POLQ: variants seen among roughly 807,000 people sequenced by gnomAD.
POLQ encodes DNA polymerase theta.
A neutral mutation model predicts 259.2 loss-of-function variants in POLQ; 233 were observed. That is an observed-to-expected ratio of 0.90 (90% CI 0.81 to 1.00). The LOEUF (loss-of-function observed/expected upper bound fraction) is 1.00, where lower values mean the gene tolerates loss of function less well. POLQ is among the 50% of genes least tolerant of loss of function. The pLI is 0.00. For synonymous variants in POLQ, 1,025 were observed against 1,048.8 expected (o/e 0.98, Z 0.44); for missense variants, 2,871 against 3,051.6 (o/e 0.94, Z 1.39).
chr3:121,493,480 T>G lies in POLQ; in HGVS notation c.2520A>C (p.Lys840Asn). The change falls in exon 15 of 30, where the codon AAA (lysine) becomes AAC (asparagine). Residue 840 changes from lysine to asparagine, a missense_variant and splice_region_variant. Coordinates refer to ENST00000264233, the MANE Select transcript of POLQ (RefSeq NM_199420.4). ...EVILKNAVPFKSARKAVDEEE... is the reference protein window; with the variant it reads ...EVILKNAVPFNSARKAVDEEE... ...TGTAGGTAAAGGTATTTTCTTACCT[T>G]TTGAAAGGCACAGCATTTTTCAGAA... The G allele has an allele frequency of 3.1e-6, 5 of 1,611,444 alleles. No individual in the cohort carries two copies. Among genetic ancestry groups the G allele is most frequent in the Non-Finnish European group, 4.2e-6 (5 of 1,178,010 alleles).
chr3:121,498,582 A>G lies in POLQ; in HGVS notation c.2048T>C (p.Val683Ala). Residue 683 changes from valine to alanine, a missense_variant, in exon 13 of 30, where the codon GTG becomes GCG. Val to Ala is a moderately conservative substitution (Grantham distance 64). Transcript: ENST00000264233. ...WEKLPTSMKR[V>A]AELVGVEEGF... ...CTCTTCAACTCCCACTAGCTCTGCCACCCTTTTCATTGAAGTTGGCAACTT... is the reference window on the plus strand; with the variant it reads ...CTCTTCAACTCCCACTAGCTCTGCCGCCCTTTTCATTGAAGTTGGCAACTT... 6.2e-7 allele frequency: 1 copy of G among 1,614,044 alleles called. No individual in the cohort carries two copies. The highest frequency in any genetic ancestry group is 8.5e-7 in the Non-Finnish European group (1 of 1,179,892).
At chr3:121,540,285 G>A (rs1008732612) in intron 3 of POLQ, among the ~76,000 whole-genome samples, 1 of 151,952 alleles carries the variant, frequency 6.6e-6, no homozygotes, top group Non-Finnish European at 1.5e-5. Flanking sequence ...TAACCCACAG[G>A]GCTAAGGGTT....
chr3:121,443,804 G>A (rs76589864), intron 26 of POLQ, among the ~76,000 whole-genome samples: 1 of 152,172 alleles, frequency 6.6e-6, no homozygotes, highest in African/African-American at 2.4e-5. Flanking sequence ...TCATTCTTCT[G>A]CATATTCAGT....
intron 25 of POLQ, among the ~76,000 whole-genome samples, chr3:121,453,998 A>C (rs1262665377): frequency 7.2e-5 from 11 of 152,252 alleles, no homozygotes; most frequent in Non-Finnish European, 1.2e-4. Context: ...CGGGTTACCC[A>C]CAAAGGGAAG....
At chr3:121,525,685 G>T (rs1197896426) in intron 7 of POLQ, among the ~76,000 whole-genome samples, 20 of 152,176 alleles carry the variant, frequency 1.3e-4, no homozygotes, top group Admixed American at 1.3e-3. Flanking sequence ...AAAGTCAGAA[G>T]CAGTCTTGAA....
chr3:121,458,448 A>T (rs2047761787), intron 25 of POLQ, among the ~76,000 whole-genome samples: 1 of 152,166 alleles, frequency 6.6e-6, no homozygotes, highest in Non-Finnish European at 1.5e-5. Context: ...AAGTTCTGGC[A>T]TTCTGAATTT....
At chr3:121,491,741 G>A (rs933351232) in intron 15 of POLQ, among the ~76,000 whole-genome samples, 8 of 152,072 alleles carry the variant, frequency 5.3e-5, no homozygotes, top group African/African-American at 1.2e-4. Context: ...CCTCTAAACC[G>A]TGCAAGTGTG....
At chr3:121,524,173 T>C (rs1484578895) in intron 7 of POLQ, among the ~76,000 whole-genome samples, 1 of 152,098 alleles carries the variant, frequency 6.6e-6, no homozygotes, top group Non-Finnish European at 1.5e-5. Context: ...TTATTAAGGA[T>C]TATAAATGGC....
Position 121,473,376 on chromosome 3 carries a change from G to A in POLQ, c.6517C>T (p.Leu2173=). Residue 2173 remains leucine (L), a synonymous_variant, in exon 21 of 30, where the codon CTG becomes TTG. Coordinates refer to ENST00000264233, the MANE Select transcript of POLQ (RefSeq NM_199420.4). ...RGIDNGRKLR[L]GRQFSTSKDV... ...TTACTAGTGCTGAACTGTCTTCCCA[G>A]CCTTAGCTTGCGTCCATTGTCAATC... 6.2e-7 allele frequency: 1 copy of A among 1,614,028 alleles called. No homozygotes were observed. Among genetic ancestry groups the A allele is most frequent in the East Asian group, 2.2e-5 (1 of 44,884 alleles).
intron 22 of POLQ, 150 bp downstream of exon 22, chr3:121,471,840 G>A: frequency 2.5e-6 from 1 of 407,322 alleles, no homozygotes; most frequent in Non-Finnish European, 4.3e-6. Flanking sequence ...ATCTATCTAT[G>A]CTTTGGATAA....
Position 121,537,153 on chromosome 3 carries a change from C to A in POLQ, c.687G>T (p.Leu229=). 2 of 1,608,148 alleles carry A rather than the reference C, an allele frequency of 1.2e-6. No homozygotes were observed. The highest frequency in any genetic ancestry group is 1.7e-6 in the Non-Finnish European group (2 of 1,174,770). ...HMLGDSHRGY[L]LELLLTKICY... The stretch of plus-strand genomic sequence containing the variant: ...AAATCTTGGTCAGCAAAAGTTCCAG[C>A]AGATACCCTCGGTGAGAGTCTCCCA... Residue 229 remains leucine (L), a synonymous_variant, in exon 5 of 30, where the codon CTG becomes CTT. Coordinates refer to ENST00000264233, the MANE Select transcript of POLQ (RefSeq NM_199420.4).
At position 121,473,491 on chromosome 3, in the gene POLQ, C is replaced by T. The variant is rs746484915; in HGVS notation, c.6406-4G>A. ...ACTTCAATTCCAAAAATAAAACCTG[C>T]AAGAAATTAATGTCTCTTTAGTCAA... On this transcript the variant is annotated splice_polypyrimidine_tract_variant and splice_region_variant and intron_variant, in intron 20 of 29. Transcript: ENST00000264233. The T allele has an allele frequency of 4.4e-6, 7 of 1,607,872 alleles. No individual in the cohort carries two copies. The highest frequency in any genetic ancestry group is 1.7e-4 in the Middle Eastern group (1 of 6,044).
chr3:121,492,783 A>C (rs989906023), intron 15 of POLQ, among the ~76,000 whole-genome samples: 1 of 149,626 alleles, frequency 6.7e-6, no homozygotes, highest in Non-Finnish European at 1.5e-5. Flanking sequence ...CTATAGGCAC[A>C]TGCCACCATG....
At chr3:121,473,933 G>A (rs1399648453) in intron 20 of POLQ, among the ~76,000 whole-genome samples, 1 of 151,962 alleles carries the variant, frequency 6.6e-6, no homozygotes, top group Non-Finnish European at 1.5e-5. Context: ...CGCCATGTTG[G>A]CCAGGGTGGT....
intron 7 of POLQ, 54 bp from the exon 8 acceptor site, chr3:121,522,203 G>A (rs995242649): frequency 7.0e-6 from 9 of 1,291,726 alleles, no homozygotes; most frequent in Non-Finnish European, 9.3e-6. Flanking sequence ...TTCTTTAAGT[G>A]TATCTGTCTA....
chr3:121,462,887 G>A (rs990059506), intron 24 of POLQ, among the ~76,000 whole-genome samples: 3 of 152,182 alleles, frequency 2.0e-5, no homozygotes, highest in African/African-American at 7.2e-5. Context: ...TAAATTGTCT[G>A]ACAAAAGAAA....
chr3:121,527,934 C>G (rs1294304436), intron 7 of POLQ, among the ~76,000 whole-genome samples: 1 of 152,186 alleles, frequency 6.6e-6, no homozygotes, highest in Non-Finnish European at 1.5e-5. Flanking sequence ...TAAGTGCATA[C>G]TTACAACACG....
intron 9 of POLQ, 40 bp from the exon 10 acceptor site, chr3:121,512,069 G>C: frequency 1.3e-6 from 2 of 1,559,008 alleles, no homozygotes; most frequent in Non-Finnish European, 1.8e-6. Flanking sequence ...TCCCAATATA[G>C]TTCCATAAGA....
chr3:121,545,619 G>A lies in POLQ; in HGVS notation c.163+96C>T, dbSNP rs891115691. The A allele has an allele frequency of 6.7e-6, 8 of 1,191,058 alleles. No homozygotes were observed. The African/African-American group carries it at 9.1e-5, about 14-fold the overall frequency. The allele number at this position is 1,191,058 out of a possible 1,614,324, so 73.8% of individuals were successfully genotyped here. ...GGGGAGTAGAAGCCCAATGGGGTATGCAACGAAGCAAGTCCCGTGGGGTGA... is the reference window on the plus strand; with the variant it reads ...GGGGAGTAGAAGCCCAATGGGGTATACAACGAAGCAAGTCCCGTGGGGTGA... On this transcript the variant is annotated intron_variant, in intron 1 of 29. Transcript: ENST00000264233.
Sources: allele counts gnomAD v4.1 joint callset (sites outside exome capture counted in the v4.1 genomes callset), GRCh38; gene constraint gnomAD v4.1.1; transcripts MANE v1.5; gene names NCBI Gene and HGNC (gene_info 2026-07-23, HGNC 2026-07-21).